RPTOR: variants seen among roughly 807,000 people sequenced by gnomAD.
RPTOR encodes the protein regulatory associated protein of MTOR complex 1, also known as regulatory-associated protein of mTOR.
RPTOR carries 21 observed loss-of-function variants against 169.9 expected under a neutral mutation model. The observed-to-expected ratio is 0.12, with a 90% CI of 0.09 to 0.18. The LOEUF is 0.18. RPTOR is among the 10% of genes least tolerant of loss of function. The pLI is 1.00. For missense variants in RPTOR, 1,133 were observed against 1,855.9 expected, an observed-to-expected ratio of 0.61 and a Z score of 7.16; for synonymous variants, 732 against 753.2, an observed-to-expected ratio of 0.97 and a Z score of 0.46.
intron 1 of RPTOR, among the ~76,000 whole-genome samples, chr17:80,548,153 G>A (rs1386670411): frequency 2.1e-5 from 3 of 144,528 alleles, no homozygotes; most frequent in Non-Finnish European, 3.0e-5. Flanking sequence ...GAGATCACAC[G>A]GCTCACTGCA....
chr17:80,634,427 G>C (rs1204199699), intron 2 of RPTOR, among the ~76,000 whole-genome samples: 1 of 140,506 alleles, frequency 7.1e-6, no homozygotes, highest in Admixed American at 7.1e-5. Context: ...TACCGTGTGT[G>C]TGTGCATACT....
At chr17:80,618,020 A>G (rs183520107) in intron 1 of RPTOR, among the ~76,000 whole-genome samples, 1,476 of 146,934 alleles carry the variant, frequency 0.01, 104 homozygotes, top group African/African-American at 0.038. Flanking sequence ...TTGCTCTGTC[A>G]CCCAGGGTGG....
In RPTOR at chr17:80,827,698, G is replaced by T. The variant is rs12952914; in HGVS notation, c.1136+4475G>T. Among the ~76,000 whole-genome samples the T allele has an allele frequency of 3.3e-3, 498 of 152,240 alleles. 4 individuals are homozygous for T. Among genetic ancestry groups the T allele is most frequent in the Non-Finnish European group, 5.3e-3 (359 of 68,010 alleles). On this transcript the variant is annotated intron_variant, in intron 9 of 33. Coordinates refer to ENST00000306801, the MANE Select transcript of RPTOR (RefSeq NM_020761.3). ...GTTTGGAGAGGGTGAGAGTAAAGTC[G>T]CAGAGCCCAGGGAGCAATCTGACCA...
intron 3 of RPTOR, among the ~76,000 whole-genome samples, chr17:80,657,133 A>G (rs1306420460): frequency 2.0e-5 from 3 of 152,204 alleles, no homozygotes; most frequent in Non-Finnish European, 4.4e-5. Context: ...GAAATTCTTT[A>G]CTTTTAAACT....
chr17:80,669,172 G>A (rs974852025), intron 3 of RPTOR, among the ~76,000 whole-genome samples: 4 of 152,214 alleles, frequency 2.6e-5, no homozygotes, highest in African/African-American at 7.2e-5. Flanking sequence ...TTTCTAGGGC[G>A]TGGGAATGTG....
chr17:80,930,257 C>CCAGCTCATCCT (rs2068866555), intron 24 of RPTOR, among the ~76,000 whole-genome samples: 1 of 48,164 alleles, frequency 2.1e-5, no homozygotes, highest in South Asian at 7.6e-4. Flanking sequence ...CAGCTCATCC[C>CCAGCTCATCCT]CAGCTCATCC....
intron 28 of RPTOR, among the ~76,000 whole-genome samples, chr17:80,952,370 G>A (rs2069190130): frequency 6.6e-6 from 1 of 152,210 alleles, no homozygotes; most frequent in African/African-American, 2.4e-5. Flanking sequence ...ATCTGATCTG[G>A]TCACCACGGG....
Position 80,768,056 on chromosome 17 carries a change from G to T in RPTOR, c.830+13871G>T, listed in dbSNP as rs200494708. ...TTTTTGTATTTTTAGTAGAGATGGG[G>T]TTTCACCATGTTAGCCAGGATGGTC... On this transcript the variant is annotated intron_variant, in intron 6 of 33. Coordinates refer to ENST00000306801, the MANE Select transcript of RPTOR (RefSeq NM_020761.3). 4.6e-5 allele frequency among the ~76,000 whole-genome samples: 7 copies of T among 152,178 alleles called. No homozygotes were observed. In the East Asian group the frequency reaches 1.4e-3, roughly 29 times the overall value.
At chr17:80,552,490 T>C (rs775015232) in intron 1 of RPTOR, among the ~76,000 whole-genome samples, 1 of 152,202 alleles carries the variant, frequency 6.6e-6, no homozygotes, top group Non-Finnish European at 1.5e-5. Context: ...CTGATATTTT[T>C]CTCCCTACTT....
At chr17:80,776,548 A>C (rs9912037) in intron 6 of RPTOR, among the ~76,000 whole-genome samples, 86,212 of 151,330 alleles carry the variant, frequency 0.57, 25,870 homozygotes, top group East Asian at 0.8. Flanking sequence ...CTGGTCTTGA[A>C]CTCCTGACCT....
intron 6 of RPTOR, among the ~76,000 whole-genome samples, chr17:80,788,894 T>C (rs902338055): frequency 7.2e-5 from 11 of 152,230 alleles, no homozygotes; most frequent in Admixed American, 4.6e-4. Flanking sequence ...AACACTCTGA[T>C]GTAGGTGAAT....
At chr17:80,594,034 T>TTTCC (rs563857494) in intron 1 of RPTOR, among the ~76,000 whole-genome samples, 1 of 152,116 alleles carries the variant, frequency 6.6e-6, no homozygotes, top group Non-Finnish European at 1.5e-5. Flanking sequence ...CGTTCCTTTC[T>TTTCC]TTCCTTCCTT....
In RPTOR at chr17:80,611,832, T is replaced by C. The variant is rs186022767; in HGVS notation, c.163-13859T>C. On this transcript the variant is annotated intron_variant, in intron 1 of 33. Coordinates refer to ENST00000306801, the MANE Select transcript of RPTOR (RefSeq NM_020761.3). ...AGTCTTTTCTAAATGCAGAGGTTTT[T>C]CCCCCCCTGTAAATGACACAGACTT... Among the ~76,000 whole-genome samples, 1,362 of 152,078 alleles carry C rather than the reference T, an allele frequency of 9.0e-3. 26 individuals are homozygous for C. Among genetic ancestry groups the C allele is most frequent in the African/African-American group, 0.03 (1,236 of 41,476 alleles).
At chr17:80,675,513 C>T (rs1042104426) in intron 3 of RPTOR, among the ~76,000 whole-genome samples, 1 of 152,230 alleles carries the variant, frequency 6.6e-6, no homozygotes, top group Non-Finnish European at 1.5e-5. Context: ...CCTTGCTCTG[C>T]GTCTGCAGCC....
At chr17:80,903,854 G>T (rs2068507387) in intron 20 of RPTOR, among the ~76,000 whole-genome samples, 1 of 152,184 alleles carries the variant, frequency 6.6e-6, no homozygotes. Context: ...AGCTAGGCAG[G>T]GTTTTTGCCA....
intron 10 of RPTOR, among the ~76,000 whole-genome samples, chr17:80,839,554 G>C (rs867575388): frequency 1.2e-5 from 1 of 85,594 alleles, no homozygotes; most frequent in Non-Finnish European, 2.3e-5. Flanking sequence ...CTCCCTTCCT[G>C]CTGGACCACA....
chr17:80,685,778 T>G (rs1019374257), intron 3 of RPTOR, among the ~76,000 whole-genome samples: 43 of 151,374 alleles, frequency 2.8e-4, no homozygotes, highest in Non-Finnish European at 1.3e-4. Context: ...CCTTTGAGCT[T>G]CTTCCCAGCT....
At chr17:80,578,365 G>A (rs549354057) in intron 1 of RPTOR, among the ~76,000 whole-genome samples, 2 of 152,202 alleles carry the variant, frequency 1.3e-5, no homozygotes, top group Non-Finnish European at 2.9e-5. Context: ...TGTCTCCAAA[G>A]TGGCGTGTCA....
chr17:80,895,028 G>A (rs570522735), intron 20 of RPTOR, among the ~76,000 whole-genome samples: 6 of 152,226 alleles, frequency 3.9e-5, no homozygotes, highest in East Asian at 3.9e-4. Context: ...TCACCTCCGC[G>A]ATCTGCCGTG....
Sources: gnomAD v4.1 joint callset for allele counts (sites outside exome capture counted in the v4.1 genomes callset) on GRCh38, gnomAD v4.1.1 for gene constraint, MANE v1.5 for transcripts, NCBI Gene and HGNC (gene_info 2026-07-23, HGNC 2026-07-21) for gene names.